The following PCDH11X variants were observed in gnomAD, a reference collection of about 807,000 sequenced individuals.
The protein encoded by PCDH11X is protocadherin 11 X-linked.
Under a neutral mutation model 53.3 loss-of-function variants are expected in PCDH11X, and 18 were observed. The observed-to-expected ratio is 0.34, with a 90% CI of 0.23 to 0.50. The LOEUF (loss-of-function observed/expected upper bound fraction) is 0.50, where lower values mean the gene tolerates loss of function less well. PCDH11X is among the 20% of genes least tolerant of loss of function. The pLI, the probability that PCDH11X is intolerant of heterozygous loss-of-function variation, is 0.98. For missense variants in PCDH11X, 570 were observed against 1,032.4 expected (o/e 0.55, Z 6.14); for synonymous variants, 279 against 393.3 (o/e 0.71, Z 3.44).
chrX:92,554,815 G>A (rs2557223), intron 10 of PCDH11X, among the ~76,000 whole-genome samples: 157 of 110,807 alleles, frequency 1.4e-3, no homozygotes, highest in Non-Finnish European at 2.0e-3. Context: ...ACTAAGAAGG[G>A]TCCTGCAAAG....
intron 8 of PCDH11X, among the ~76,000 whole-genome samples, chrX:92,288,971 T>C (rs1317558877): frequency 4.5e-5 from 5 of 111,469 alleles, no homozygotes; most frequent in Non-Finnish European, 9.4e-5. Context: ...TTCTATTTAT[T>C]TAAGAATTAT....
At chrX:91,882,324 T>C (rs1430958948) in intron 6 of PCDH11X, among the ~76,000 whole-genome samples, 2 of 109,809 alleles carry the variant, frequency 1.8e-5, no homozygotes, top group South Asian at 3.8e-4. Flanking sequence ...CAGATAGCAA[T>C]TGGTTGTTAT....
At chrX:91,806,329 A>G (rs1329584680) in intron 1 of PCDH11X, among the ~76,000 whole-genome samples, 1 of 113,519 alleles carries the variant, frequency 8.8e-6, no homozygotes. Flanking sequence ...GACAAAGGGC[A>G]TTTGATGCTT....
intron 7 of PCDH11X, among the ~76,000 whole-genome samples, chrX:92,232,944 C>T (rs942976272): frequency 2.0e-4 from 22 of 110,918 alleles, no homozygotes; most frequent in East Asian, 5.7e-4. Flanking sequence ...CTCCATCTCC[C>T]GACCTCCTGA....
intron 7 of PCDH11X, among the ~76,000 whole-genome samples, chrX:92,228,340 T>C (rs745679526): frequency 4.9e-4 from 55 of 111,853 alleles, no homozygotes; most frequent in African/African-American, 1.7e-3. Context: ...ACAGAGAAAA[T>C]GAGTGCCTAA....
rs113048085 is a variant in PCDH11X, at chrX:92,015,598, T to C, written c.3033+136325T>C. ...ATTTTATCTCAAGAAACCACTTTTT[T>C]ATCATTCATAAGAAGCAACTTTGTA... On this transcript the variant is annotated intron_variant, in intron 6 of 10. Transcript: ENST00000682573. Among the ~76,000 whole-genome samples, 955 of 112,259 alleles carry C rather than the reference T, an allele frequency of 8.5e-3. 8 individuals carry two copies. The highest frequency in any genetic ancestry group is 0.043 in the South Asian group (118 of 2,713).
intron 6 of PCDH11X, among the ~76,000 whole-genome samples, chrX:92,187,605 T>C (rs756022285): frequency 2.7e-5 from 3 of 111,633 alleles, no homozygotes; most frequent in African/African-American, 9.7e-5. Context: ...TAGATCTTAA[T>C]ATAAGAAAAT....
intron 8 of PCDH11X, among the ~76,000 whole-genome samples, chrX:92,268,431 A>G (rs1181069420): frequency 1.8e-5 from 2 of 111,040 alleles, no homozygotes; most frequent in African/African-American, 3.3e-5. Context: ...AGCTGGGATT[A>G]CAGATATGTG....
At chrX:92,399,199 A>AAAG (rs1375127327) in intron 9 of PCDH11X, among the ~76,000 whole-genome samples, 1 of 108,664 alleles carries the variant, frequency 9.2e-6, no homozygotes, top group Non-Finnish European at 1.9e-5. Flanking sequence ...TGTCAAAAAA[A>AAAG]AAAAAAAAAT....
chrX:92,133,536 T>G lies in PCDH11X; in HGVS notation c.3034-67839T>G, dbSNP rs190517952. ...AGCCTGCTACCACGCCGGGCTAATT[T>G]TGTATTTTTAGTAGAGTTGGGGTTT... is the stretch of plus-strand genomic sequence containing the variant. On this transcript the variant is annotated intron_variant, in intron 6 of 10. Transcript: ENST00000682573. Among the ~76,000 whole-genome samples, 585 of 111,541 alleles carry G rather than the reference T, an allele frequency of 5.2e-3. 1 individual carries two copies. The highest frequency in any genetic ancestry group is 7.1e-3 in the South Asian group (19 of 2,669).
chrX:92,265,030 T>TAAGGTC (rs1004737329), intron 8 of PCDH11X, among the ~76,000 whole-genome samples: 5 of 109,162 alleles, frequency 4.6e-5, no homozygotes, highest in African/African-American at 1.7e-4. Context: ...CTTTTCTTTA[T>TAAGGTC]AAGGTCAAGA....
chrX:91,879,768 G>C (rs1354276446), intron 6 of PCDH11X: 2 of 750,227 alleles, frequency 2.7e-6, no homozygotes, highest in African/African-American at 5.7e-5. Context: ...TACTCTACCA[G>C]GCCTTCAGGT....
intron 6 of PCDH11X, among the ~76,000 whole-genome samples, chrX:92,004,220 G>A (rs1469812983): frequency 2.7e-5 from 3 of 111,560 alleles, no homozygotes; most frequent in Non-Finnish European, 5.7e-5. Context: ...ATTTCTAGTT[G>A]TATTTCACTG....
intron 6 of PCDH11X, among the ~76,000 whole-genome samples, chrX:91,937,999 G>T (rs1268037298): frequency 4.5e-5 from 5 of 110,529 alleles, no homozygotes; most frequent in African/African-American, 6.5e-5. Flanking sequence ...AAACAATACT[G>T]GTTCTTTTAA....
At chrX:92,389,833 C>CT (rs760090937) in intron 9 of PCDH11X, among the ~76,000 whole-genome samples, 2,614 of 104,305 alleles carry the variant, frequency 0.025, 88 homozygotes, top group African/African-American at 0.085. Context: ...TACTTAGGGG[C>CT]TTTTTTTTTT....
chrX:92,328,497 T>C (rs958361032), intron 8 of PCDH11X, among the ~76,000 whole-genome samples: 1 of 110,424 alleles, frequency 9.1e-6, no homozygotes, highest in Non-Finnish European at 1.9e-5. Flanking sequence ...TGGAGAAAAT[T>C]AGTGAAACCA....
intron 5 of PCDH11X, among the ~76,000 whole-genome samples, chrX:91,870,481 A>G (rs1265569365): frequency 9.0e-6 from 1 of 110,739 alleles, no homozygotes; most frequent in Non-Finnish European, 1.9e-5. Flanking sequence ...AAAAACAAAG[A>G]CTGTTCTTAA....
At chrX:91,846,466 A>T (rs1467874686) in intron 5 of PCDH11X, among the ~76,000 whole-genome samples, 1 of 109,630 alleles carries the variant, frequency 9.1e-6, no homozygotes, top group Non-Finnish European at 1.9e-5. Context: ...AAATACAAAA[A>T]AATTAGCCGG....
intron 10 of PCDH11X, among the ~76,000 whole-genome samples, chrX:92,614,742 G>T (rs1288307564): frequency 9.1e-6 from 1 of 110,006 alleles, no homozygotes. Flanking sequence ...ACACCCAAAG[G>T]TGTGTCTAGG....
Sources: allele counts gnomAD v4.1 joint callset (sites outside exome capture counted in the v4.1 genomes callset), GRCh38; gene constraint gnomAD v4.1.1; transcripts MANE v1.5; gene names NCBI Gene and HGNC (gene_info 2026-07-23, HGNC 2026-07-21).